SCOC: variants seen among roughly 807,000 people sequenced by gnomAD.
The protein encoded by SCOC is short coiled coil protein.
A neutral mutation model predicts 9.9 loss-of-function variants in SCOC; 7 were observed. The observed-to-expected ratio is 0.71, with a 90% CI of 0.40 to 1.33. SCOC has a LOEUF of 1.33. Ranked by LOEUF, SCOC falls within the 40% of genes most tolerant of loss-of-function variation. The probability of loss-of-function intolerance (pLI) is 0.01; values close to 1 mark genes in which losing one functional copy is unlikely to be tolerated. For missense variants in SCOC, 66 were observed against 89.7 expected (o/e 0.74, Z 1.07); for synonymous variants, 19 against 28.2 (o/e 0.67, Z 1.03).
At chr4:140,359,620 T>C (rs1727376264) in intron 2 of SCOC, among the ~76,000 whole-genome samples, 1 of 152,188 alleles carries the variant, frequency 6.6e-6, no homozygotes, top group Non-Finnish European at 1.5e-5. Context: ...TGGACACAGA[T>C]TATTTATATC....
At chr4:140,277,992 T>TG (rs1332255069) in intron 1 of SCOC, among the ~76,000 whole-genome samples, 2 of 152,262 alleles carry the variant, frequency 1.3e-5, no homozygotes, top group Non-Finnish European at 2.9e-5. Flanking sequence ...TTGAAACATT[T>TG]GCAGTTCACA....
At chr4:140,338,741 A>G (rs1726376026), upstream of SCOC, among the ~76,000 whole-genome samples, 1 of 152,234 alleles carries the variant, frequency 6.6e-6, no homozygotes, top group Admixed American at 6.5e-5. Flanking sequence ...CCAACTTACA[A>G]GGGATATGAA....
upstream of SCOC, chr4:140,373,156 G>C (rs1355333794): frequency 3.9e-6 from 2 of 507,320 alleles, no homozygotes; most frequent in Non-Finnish European, 5.3e-6. Context: ...ATATGAAAAA[G>C]TCTGCTTTTA....
chr4:140,276,545 C>T (rs574190643), intron 1 of SCOC, among the ~76,000 whole-genome samples: 3 of 152,124 alleles, frequency 2.0e-5, no homozygotes, highest in East Asian at 1.9e-4. Context: ...CTCACTGCCT[C>T]GGGGGTTCAA....
chr4:140,295,375 C>T (rs977096723), intron 1 of SCOC, among the ~76,000 whole-genome samples: 1 of 152,132 alleles, frequency 6.6e-6, no homozygotes, highest in Non-Finnish European at 1.5e-5. Flanking sequence ...CCCACCACTC[C>T]ATGTGAATGT....
At chr4:140,347,004 GT>G (rs1726766553) in intron 2 of SCOC, among the ~76,000 whole-genome samples, 1 of 152,168 alleles carries the variant, frequency 6.6e-6, no homozygotes, top group Admixed American at 6.5e-5. Flanking sequence ...TAAAAAGCAA[GT>G]TCTGTATGAA....
intron 1 of SCOC, among the ~76,000 whole-genome samples, chr4:140,334,549 T>C (rs559907015): frequency 6.6e-6 from 1 of 152,194 alleles, no homozygotes; most frequent in Non-Finnish European, 1.5e-5. Flanking sequence ...AAAACACTAA[T>C]AGCGAAACTG....
intron 1 of SCOC, among the ~76,000 whole-genome samples, chr4:140,336,797 C>A (rs1005047283): frequency 1.3e-5 from 2 of 152,184 alleles, no homozygotes; most frequent in Admixed American, 6.5e-5. Flanking sequence ...TTTTGAGGAA[C>A]TGCCAAATTA....
chr4:140,275,598 G>C (rs1287645454), intron 1 of SCOC, among the ~76,000 whole-genome samples: 2 of 152,144 alleles, frequency 1.3e-5, no homozygotes. Context: ...TTAACTTCTA[G>C]GAAGCAATCA....
At chr4:140,311,373 A>T (rs977332684) in intron 1 of SCOC, among the ~76,000 whole-genome samples, 14 of 152,188 alleles carry the variant, frequency 9.2e-5, no homozygotes, top group African/African-American at 1.4e-4. Flanking sequence ...AAATACCCCT[A>T]GGGAGGGAGT....
At chr4:140,373,133 G>A (rs1264319790), upstream of SCOC, 4 of 386,174 alleles carry the variant, frequency 1.0e-5, no homozygotes, top group African/African-American at 6.6e-5. Flanking sequence ...TTCCGATTTC[G>A]GAAATAAGAA....
intron 1 of SCOC, among the ~76,000 whole-genome samples, chr4:140,312,746 T>C (rs1732193392): frequency 6.6e-6 from 1 of 152,188 alleles, no homozygotes; most frequent in African/African-American, 2.4e-5. Context: ...CATAATTATA[T>C]ATTTAATTGG....
upstream of SCOC, chr4:140,343,323 G>C (rs1019653809): frequency 4.3e-6 from 1 of 231,824 alleles, no homozygotes; most frequent in East Asian, 7.9e-5. Flanking sequence ...CAATTTCCTT[G>C]AGCAATTCAG....
intron 1 of SCOC, chr4:140,293,211 A>T (rs1731526857): frequency 2.3e-6 from 1 of 429,780 alleles, no homozygotes; most frequent in Non-Finnish European, 4.6e-6. Context: ...ATGAAATCTT[A>T]AACAACTGGG....
chr4:140,272,094 TCACCCAGG>T (rs1730858850), intron 1 of SCOC, among the ~76,000 whole-genome samples: 1 of 150,938 alleles, frequency 6.6e-6, no homozygotes, highest in African/African-American at 2.4e-5. Context: ...TCTTGCTCTG[TCACCCAGG>T]CTGAAGTACA....
chr4:140,300,655 G>A (rs555685553), intron 1 of SCOC, among the ~76,000 whole-genome samples: 1 of 152,312 alleles, frequency 6.6e-6, no homozygotes, highest in Admixed American at 6.5e-5. Flanking sequence ...GGTCTCTCTT[G>A]TATTGTTCAA....
At chr4:140,324,248 T>C (rs765153328) in intron 1 of SCOC, among the ~76,000 whole-genome samples, 1 of 152,144 alleles carries the variant, frequency 6.6e-6, no homozygotes, top group East Asian at 1.9e-4. Context: ...ACTAGCATCA[T>C]ACTTAAGAGT....
chr4:140,356,932 G>C (rs1037021637), intron 2 of SCOC, among the ~76,000 whole-genome samples: 8 of 152,204 alleles, frequency 5.3e-5, no homozygotes, highest in African/African-American at 1.9e-4. Flanking sequence ...AAGGATAAAA[G>C]GAAGAGATAC....
intron 1 of SCOC, among the ~76,000 whole-genome samples, chr4:140,292,039 C>G (rs143090944): frequency 6.6e-6 from 1 of 151,992 alleles, no homozygotes; most frequent in African/African-American, 2.4e-5. Context: ...TTTATTGGAA[C>G]GACCACCCTC....
Sources: allele counts gnomAD v4.1 joint callset (sites outside exome capture counted in the v4.1 genomes callset), GRCh38; gene constraint gnomAD v4.1.1; transcripts MANE v1.5; gene names NCBI Gene and HGNC (gene_info 2026-07-23, HGNC 2026-07-21).